PLD1: variants seen among roughly 807,000 people sequenced by gnomAD.
PLD1 encodes the protein phospholipase D1.
In PLD1, 112 loss-of-function variants were observed where a neutral mutation model predicts 137.1. That is an observed-to-expected ratio of 0.82 (90% CI 0.70 to 0.96). The LOEUF (loss-of-function observed/expected upper bound fraction) is 0.96, where lower values mean the gene tolerates loss of function less well. PLD1 is among the 40% of genes least tolerant of loss of function. The pLI is 0.00. For synonymous variants in PLD1, 431 were observed against 454.7 expected (o/e 0.95, Z 0.66); for missense variants, 1,321 against 1,342.0 (o/e 0.98, Z 0.24).
chr3:171,763,321 C>T (rs1345764743), intron 1 of PLD1, among the ~76,000 whole-genome samples: 1 of 151,250 alleles, frequency 6.6e-6, no homozygotes, highest in African/African-American at 2.4e-5. Context: ...ACTCGAGAGG[C>T]TGAGGTAGGA....
chr3:171,662,022 G>C (rs1399040056), intron 20 of PLD1, 38 bp downstream of exon 20: 1 of 1,123,042 alleles, frequency 8.9e-7, no homozygotes, highest in Non-Finnish European at 1.4e-6. Flanking sequence ...TTTAAGGGAA[G>C]GCAGTTTCTC....
intron 11 of PLD1, among the ~76,000 whole-genome samples, chr3:171,703,000 T>C (rs935918636): frequency 6.6e-6 from 1 of 152,122 alleles, no homozygotes; most frequent in Non-Finnish European, 1.5e-5. Context: ...AAAATAATAC[T>C]ACATCATGAT....
intron 19 of PLD1, 93 bp from the exon 20 acceptor site, chr3:171,662,263 C>G: frequency 1.4e-6 from 1 of 705,844 alleles, no homozygotes; most frequent in Non-Finnish European, 2.5e-6. Flanking sequence ...TTCTTCCAGA[C>G]GACTGAATGA....
At chr3:171,659,377 A>AT (rs891449297) in intron 20 of PLD1, 76 bp from the exon 21 acceptor site, 2 of 934,682 alleles carry the variant, frequency 2.1e-6, no homozygotes, top group African/African-American at 3.3e-5. Context: ...ACTGTAATAT[A>AT]TTTTTTAAAA....
chr3:171,652,213 AC>A (rs1400370988), intron 21 of PLD1, among the ~76,000 whole-genome samples: 3 of 152,112 alleles, frequency 2.0e-5, no homozygotes, highest in Non-Finnish European at 4.4e-5. Context: ...GCAGATCGAG[AC>A]CATCCTGGAT....
At chr3:171,720,879 C>T (rs6790634) in intron 8 of PLD1, among the ~76,000 whole-genome samples, 54,846 of 151,970 alleles carry the variant, frequency 0.36, 11,000 homozygotes, top group African/African-American at 0.52. Flanking sequence ...CCTTTCCTAG[C>T]TGTTGCTTCT....
chr3:171,695,913 C>A (rs1715652785), intron 12 of PLD1, among the ~76,000 whole-genome samples: 1 of 152,144 alleles, frequency 6.6e-6, no homozygotes, highest in African/African-American at 2.4e-5. Flanking sequence ...GCTCATGTGC[C>A]TTTTTTTAAA....
intron 23 of PLD1, among the ~76,000 whole-genome samples, chr3:171,624,853 C>T (rs1174743479): frequency 6.6e-6 from 1 of 151,962 alleles, no homozygotes; most frequent in Non-Finnish European, 1.5e-5. Context: ...ACTATCTGAG[C>T]ATTTTTCCAA....
At chr3:171,706,804 T>C (rs952693595) in intron 11 of PLD1, among the ~76,000 whole-genome samples, 1 of 152,222 alleles carries the variant, frequency 6.6e-6, no homozygotes, top group African/African-American at 2.4e-5. Context: ...TGTAATAAAA[T>C]GGTATCCTAG....
chr3:171,627,207 A>G (rs1325812778), intron 23 of PLD1, among the ~76,000 whole-genome samples: 1 of 152,230 alleles, frequency 6.6e-6, no homozygotes, highest in Non-Finnish European at 1.5e-5. Context: ...AGGGGTTGCA[A>G]TCCTAGTCTC....
At chr3:171,702,681 A>G (rs1192583207) in intron 11 of PLD1, among the ~76,000 whole-genome samples, 1 of 152,174 alleles carries the variant, frequency 6.6e-6, no homozygotes, top group Admixed American at 6.5e-5. Context: ...CTTCATAGCT[A>G]TTGAAAAACT....
chr3:171,800,316 G>C (rs969028520), intron 1 of PLD1, among the ~76,000 whole-genome samples: 1 of 151,908 alleles, frequency 6.6e-6, no homozygotes, highest in Non-Finnish European at 1.5e-5. Context: ...TCAAGCAATT[G>C]TCCTGCCTCA....
intron 1 of PLD1, among the ~76,000 whole-genome samples, chr3:171,746,360 G>A (rs1362523190): frequency 6.6e-6 from 1 of 152,242 alleles, no homozygotes; most frequent in Non-Finnish European, 1.5e-5. Flanking sequence ...TGGTGACTTG[G>A]AGAACATTTA....
At chr3:171,743,770 A>C (rs758225810) in intron 1 of PLD1, among the ~76,000 whole-genome samples, 1 of 152,206 alleles carries the variant, frequency 6.6e-6, no homozygotes, top group Non-Finnish European at 1.5e-5. Context: ...AGCCGCAATC[A>C]TGTGCTGATG....
intron 1 of PLD1, among the ~76,000 whole-genome samples, chr3:171,803,360 G>A (rs369483765): frequency 6.6e-6 from 1 of 152,236 alleles, no homozygotes; most frequent in East Asian, 1.9e-4. Context: ...GAGAAAGAAA[G>A]ATGGGGTGGA....
At chr3:171,699,890 A>G (rs973562791) in intron 11 of PLD1, 64 bp from the exon 12 acceptor site, 8 of 1,298,100 alleles carry the variant, frequency 6.2e-6, no homozygotes, top group Non-Finnish European at 7.8e-6. Context: ...ATTGTGTCAT[A>G]GGAAGCAAAG....
chr3:171,764,639 A>T (rs895753143), intron 1 of PLD1, among the ~76,000 whole-genome samples: 1 of 151,916 alleles, frequency 6.6e-6, no homozygotes, highest in African/African-American at 2.4e-5. Flanking sequence ...GGCAGCACTG[A>T]CAGAGTTCAT....
In PLD1 at chr3:171,764,630, G is replaced by A. The variant is rs529033012; in HGVS notation, c.-31-26548C>T. On this transcript the variant is annotated intron_variant, in intron 1 of 26. Coordinates refer to ENST00000351298, the MANE Select transcript of PLD1 (RefSeq NM_002662.5). ...GTCATTTAATCCAATAAAACAGTTG[G>A]CAGCACTGACAGAGTTCATTTGGTC... 3.9e-5 allele frequency among the ~76,000 whole-genome samples: 6 copies of A among 151,906 alleles called. No individual in the cohort carries two copies. The South Asian group carries it at 1.2e-3, about 32-fold the overall frequency.
At chr3:171,718,878 C>T (rs1261558522) in intron 8 of PLD1, among the ~76,000 whole-genome samples, 1 of 152,142 alleles carries the variant, frequency 6.6e-6, no homozygotes, top group Non-Finnish European at 1.5e-5. Flanking sequence ...CAGTGCCTGG[C>T]CCCAATACAT....
Sources: allele counts gnomAD v4.1 joint callset (sites outside exome capture counted in the v4.1 genomes callset), GRCh38; gene constraint gnomAD v4.1.1; transcripts MANE v1.5; gene names NCBI Gene and HGNC (gene_info 2026-07-23, HGNC 2026-07-21).